The following QTMAN variants were observed in gnomAD, a reference collection of about 807,000 sequenced individuals.
QTMAN encodes queuosine-tRNA mannosyltransferase.
the QTMAN span, among the ~76,000 whole-genome samples, chr2:144,198,044 C>G: frequency 1.3e-5 from 2 of 152,068 alleles, no homozygotes; most frequent in Non-Finnish European, 1.5e-5. Flanking sequence ...CTGGGCAACA[C>G]AGCAAGACAC....
the QTMAN span, among the ~76,000 whole-genome samples, chr2:144,038,691 T>C: frequency 2.6e-5 from 4 of 152,136 alleles, no homozygotes; most frequent in Admixed American, 1.3e-4. Flanking sequence ...CAAAATCTTA[T>C]TTTTTTCCTG....
chr2:144,202,988 T>C, the QTMAN span, among the ~76,000 whole-genome samples: 1 of 152,160 alleles, frequency 6.6e-6, no homozygotes, highest in Admixed American at 6.5e-5. Context: ...AAGAATAAAC[T>C]ATAAACTCCA....
chr2:144,005,078 T>C, the QTMAN span, among the ~76,000 whole-genome samples: 1 of 152,062 alleles, frequency 6.6e-6, no homozygotes, highest in Non-Finnish European at 1.5e-5. Flanking sequence ...GCCAGAGAGC[T>C]GACATGGCTC....
the QTMAN span, among the ~76,000 whole-genome samples, chr2:144,136,470 G>GGAGAAAA: frequency 7.9e-5 from 12 of 151,054 alleles, no homozygotes; most frequent in East Asian, 9.7e-4. Context: ...GAAGGAGAAA[G>GGAGAAAA]GAGAAAAGAG....
the QTMAN span, among the ~76,000 whole-genome samples, chr2:144,179,587 G>A: frequency 6.6e-6 from 1 of 152,106 alleles, no homozygotes; most frequent in Non-Finnish European, 1.5e-5. Context: ...GAGCACAGAG[G>A]AAACTGGTTC....
the QTMAN span, among the ~76,000 whole-genome samples, chr2:144,100,051 C>T: frequency 2.0e-5 from 3 of 152,192 alleles, no homozygotes; most frequent in Admixed American, 2.0e-4. Context: ...ATATTTTATG[C>T]AGCACCTGGT....
the QTMAN span, among the ~76,000 whole-genome samples, chr2:144,022,962 A>AT: frequency 2.6e-5 from 4 of 152,154 alleles, no homozygotes; most frequent in Non-Finnish European, 2.9e-5. Flanking sequence ...AAAAATATGC[A>AT]TTTTTTATGG....
the QTMAN span, among the ~76,000 whole-genome samples, chr2:144,045,770 G>T: frequency 1.3e-5 from 2 of 152,298 alleles, no homozygotes; most frequent in Non-Finnish European, 2.9e-5. Context: ...GCATAGGAAG[G>T]ACTAAGTGTG....
chr2:144,008,940 G>C, the QTMAN span, among the ~76,000 whole-genome samples: 2 of 152,106 alleles, frequency 1.3e-5, no homozygotes, highest in African/African-American at 2.4e-5. Flanking sequence ...GTATGAAAGA[G>C]AGAGGCAGAG....
At chr2:144,326,290 T>A in the QTMAN span, among the ~76,000 whole-genome samples, 1 of 152,242 alleles carries the variant, frequency 6.6e-6, no homozygotes, top group African/African-American at 2.4e-5. Context: ...GCCTACAATT[T>A]AAAATACACA....
chr2:144,301,553 A>T, the QTMAN span, among the ~76,000 whole-genome samples: 4 of 152,154 alleles, frequency 2.6e-5, no homozygotes, highest in Non-Finnish European at 5.9e-5. Flanking sequence ...ACAAACTATG[A>T]ATTTCCATGC....
At chr2:144,294,754 A>G in the QTMAN span, among the ~76,000 whole-genome samples, 1 of 152,220 alleles carries the variant, frequency 6.6e-6, no homozygotes, top group Non-Finnish European at 1.5e-5. Flanking sequence ...TTTGCCACTG[A>G]GAACTAGTAT....
chr2:144,045,332 C>T, the QTMAN span, among the ~76,000 whole-genome samples: 50 of 152,256 alleles, frequency 3.3e-4, no homozygotes, highest in Middle Eastern at 3.4e-3. Context: ...ATTTAACCTT[C>T]GCAGGAAATG....
At chr2:144,038,450 TC>T in the QTMAN span, among the ~76,000 whole-genome samples, 1 of 152,220 alleles carries the variant, frequency 6.6e-6, no homozygotes, top group Non-Finnish European at 1.5e-5. Flanking sequence ...TACAATTCTA[TC>T]CCTGTAGAAT....
At chr2:144,013,521 A>G in the QTMAN span, among the ~76,000 whole-genome samples, 2 of 152,194 alleles carry the variant, frequency 1.3e-5, no homozygotes, top group African/African-American at 4.8e-5. Context: ...CCATACACCA[A>G]TGTGACATAT....
chr2:144,080,657 A>G, the QTMAN span, among the ~76,000 whole-genome samples: 2 of 152,196 alleles, frequency 1.3e-5, no homozygotes, highest in African/African-American at 2.4e-5. Flanking sequence ...ATAAAAATGC[A>G]TACTGATTTC....
the QTMAN span, among the ~76,000 whole-genome samples, chr2:144,064,966 A>T: frequency 1.3e-5 from 2 of 152,214 alleles, no homozygotes; most frequent in Non-Finnish European, 2.9e-5. Context: ...GGCAGAGTCC[A>T]GAGCAAGGGC....
chr2:144,012,577 A>G, the QTMAN span, among the ~76,000 whole-genome samples: 2 of 152,192 alleles, frequency 1.3e-5, no homozygotes, highest in Admixed American at 1.3e-4. Context: ...GCCGTTGAAT[A>G]GAATATCATG....
chr2:143,993,323 A>G, the QTMAN span, among the ~76,000 whole-genome samples: 1 of 152,072 alleles, frequency 6.6e-6, no homozygotes, highest in Non-Finnish European at 1.5e-5. Flanking sequence ...TGGTGCTTGC[A>G]TAAGCTTGAA....
Sources: allele counts gnomAD v4.1 joint callset (sites outside exome capture counted in the v4.1 genomes callset), GRCh38; gene constraint gnomAD v4.1.1; transcripts MANE v1.5; gene names NCBI Gene and HGNC (gene_info 2026-07-23, HGNC 2026-07-21).